Variants in KCND2 observed in about 807,000 individuals in gnomAD.
KCND2 encodes the protein potassium voltage-gated channel subfamily D member 2, also known as A-type voltage-gated potassium channel KCND2.
Under a neutral mutation model 54.4 loss-of-function variants are expected in KCND2, and 16 were observed. The ratio of observed to expected loss-of-function variants is 0.29; its 90% confidence interval spans 0.20 to 0.45. The LOEUF (loss-of-function observed/expected upper bound fraction) is 0.45. Among genes scored for constraint, KCND2 ranks in the 20% least tolerant of loss-of-function variants. The pLI is 1.00. For missense variants in KCND2, 486 were observed against 824.2 expected, an observed-to-expected ratio of 0.59 and a Z score of 5.02; for synonymous variants, 317 against 310.7, an observed-to-expected ratio of 1.02 and a Z score of -0.21.
chr7:120,303,342 A>G (rs1323526073), intron 1 of KCND2, among the ~76,000 whole-genome samples: 1 of 152,200 alleles, frequency 6.6e-6, no homozygotes, highest in African/African-American at 2.4e-5. Context: ...CAAATTGGCT[A>G]TCTTTGGCCA....
chr7:120,368,288 G>A lies in KCND2; in HGVS notation c.1115+92541G>A, dbSNP rs575214575. 2.6e-5 allele frequency among the ~76,000 whole-genome samples: 4 copies of A among 152,040 alleles called. No individual in the cohort carries two copies. The South Asian group carries it at 6.2e-4, about 24-fold the overall frequency. On this transcript the variant is annotated intron_variant, in intron 1 of 5. Transcript: ENST00000331113. ...GTGAAACTGCTAATTGCTAGTTGAG[G>A]ATAAGATGGAGAGTTTTTATTTTTA...
chr7:120,376,959 C>T (rs1158429937), intron 1 of KCND2, among the ~76,000 whole-genome samples: 1 of 151,872 alleles, frequency 6.6e-6, no homozygotes, highest in Admixed American at 6.6e-5. Context: ...TCAGTTCACA[C>T]AATTTCCCTT....
At chr7:120,318,815 G>C (rs1382127351) in intron 1 of KCND2, among the ~76,000 whole-genome samples, 1 of 152,026 alleles carries the variant, frequency 6.6e-6, no homozygotes, top group Non-Finnish European at 1.5e-5. Context: ...CTTTTCACAT[G>C]TTTGTACTGA....
chr7:120,508,712 T>G (rs890805451), intron 1 of KCND2, among the ~76,000 whole-genome samples: 2 of 151,938 alleles, frequency 1.3e-5, no homozygotes, highest in African/African-American at 4.8e-5. Context: ...ATTTAAAAAT[T>G]GGCCTGAATA....
At chr7:120,567,819 A>G (rs1792316363) in intron 1 of KCND2, among the ~76,000 whole-genome samples, 1 of 152,166 alleles carries the variant, frequency 6.6e-6, no homozygotes, top group Non-Finnish European at 1.5e-5. Flanking sequence ...GCCAGAAAAG[A>G]AAACGAATCT....
At chr7:120,432,282 C>T (rs1801802652) in intron 1 of KCND2, among the ~76,000 whole-genome samples, 3 of 152,152 alleles carry the variant, frequency 2.0e-5, no homozygotes, top group South Asian at 4.1e-4. Context: ...CAGAATGACA[C>T]CTTGTGTTTT....
intron 1 of KCND2, among the ~76,000 whole-genome samples, chr7:120,655,867 AT>A (rs759790710): frequency 7.2e-5 from 11 of 152,112 alleles, no homozygotes; most frequent in Non-Finnish European, 1.3e-4. Context: ...TTTTCCTACA[AT>A]AATAATTGTG....
rs775640968 is a variant in KCND2, at chr7:120,274,754, C to T, written c.122C>T (p.Ala41Val). ...CAGGAGAGGAAAAGGACCCAAGATG[C>T]TCTCATTGTGCTGAATGTGAGTGGC... ...PRQERKRTQD[A>V]LIVLNVSGTR... Residue 41 changes from alanine (A) to valine (V), a missense_variant, in exon 1 of 6, where the codon GCT becomes GTT. Physicochemically the swap from Ala to Val is moderately conservative, Grantham distance 64. This residue lies in a region of KCND2 where 231 missense variants were observed against 386.0 expected (regional missense o/e 0.60). Transcript: ENST00000331113. 25 of 1,614,112 alleles carry T rather than the reference C, an allele frequency of 1.5e-5. No homozygotes were observed. Among genetic ancestry groups the T allele is most frequent in the Non-Finnish European group, 1.6e-5 (19 of 1,180,000 alleles).
chr7:120,734,414 T>C (rs1225891117), intron 2 of KCND2, among the ~76,000 whole-genome samples: 1 of 152,128 alleles, frequency 6.6e-6, no homozygotes, highest in Admixed American at 6.6e-5. Context: ...TCCTCATTTT[T>C]ATAGATGGTA....
intron 1 of KCND2, among the ~76,000 whole-genome samples, chr7:120,463,378 A>G (rs1802312671): frequency 7.2e-6 from 1 of 139,110 alleles, no homozygotes; most frequent in South Asian, 2.2e-4. Context: ...TTAGATGCAT[A>G]GGTATATAAG....
chr7:120,612,773 A>G (rs986327244), intron 1 of KCND2, among the ~76,000 whole-genome samples: 1 of 152,196 alleles, frequency 6.6e-6, no homozygotes, highest in Non-Finnish European at 1.5e-5. Flanking sequence ...GTTTTATTGT[A>G]CTAAGAAAAT....
At chr7:120,465,257 C>T (rs112072695) in intron 1 of KCND2, among the ~76,000 whole-genome samples, 180 of 152,152 alleles carry the variant, frequency 1.2e-3, no homozygotes, top group African/African-American at 3.9e-3. Context: ...GGTTCTTATA[C>T]AGTTTCATAG....
intron 1 of KCND2, among the ~76,000 whole-genome samples, chr7:120,629,264 G>T (rs1441321836): frequency 3.3e-5 from 5 of 152,178 alleles, no homozygotes; most frequent in African/African-American, 1.2e-4. Flanking sequence ...GAGGCAGGCG[G>T]ATCACGAGGT....
intron 1 of KCND2, among the ~76,000 whole-genome samples, chr7:120,407,990 T>G (rs1255811666): frequency 1.3e-5 from 2 of 151,802 alleles, no homozygotes; most frequent in African/African-American, 4.8e-5. Flanking sequence ...TTTCAAAAAG[T>G]TATTCTGGTG....
At chr7:120,577,496 G>C (rs1167628074) in intron 1 of KCND2, among the ~76,000 whole-genome samples, 2 of 152,070 alleles carry the variant, frequency 1.3e-5, no homozygotes, top group African/African-American at 4.8e-5. Context: ...TACCATATCA[G>C]CCTGTGTAAG....
At chr7:120,298,404 G>T (rs1227046296) in intron 1 of KCND2, among the ~76,000 whole-genome samples, 1 of 152,162 alleles carries the variant, frequency 6.6e-6, no homozygotes, top group Non-Finnish European at 1.5e-5. Context: ...AACTATACCA[G>T]TCTAGTGACT....
chr7:120,537,118 G>T (rs548666718), intron 1 of KCND2, among the ~76,000 whole-genome samples: 8 of 152,208 alleles, frequency 5.3e-5, no homozygotes, highest in Middle Eastern at 3.4e-3. Flanking sequence ...AGTCTTGAAA[G>T]TCAAAATTAC....
intron 1 of KCND2, among the ~76,000 whole-genome samples, chr7:120,281,022 C>G (rs1293120909): frequency 6.6e-6 from 1 of 152,046 alleles, no homozygotes; most frequent in African/African-American, 2.4e-5. Context: ...ACCTTGTATT[C>G]TCATCCAGTG....
At chr7:120,487,865 G>A (rs1802717139) in intron 1 of KCND2, among the ~76,000 whole-genome samples, 1 of 151,980 alleles carries the variant, frequency 6.6e-6, no homozygotes, top group South Asian at 2.1e-4. Flanking sequence ...TCTACATAAC[G>A]AGTAAAAAAC....
Sources: allele counts gnomAD v4.1 joint callset (sites outside exome capture counted in the v4.1 genomes callset), GRCh38; gene constraint gnomAD v4.1.1; regional missense constraint gnomAD v4.1.1; transcripts MANE v1.5; gene names NCBI Gene and HGNC (gene_info 2026-07-23, HGNC 2026-07-21).